The following ESRRG variants were observed in gnomAD, a reference collection of about 807,000 sequenced individuals.
The protein encoded by ESRRG is estrogen related receptor gamma.
In ESRRG, 13 loss-of-function variants were observed where a neutral mutation model predicts 44.0. The ratio of observed to expected loss-of-function variants is 0.30; its 90% confidence interval spans 0.19 to 0.47. The LOEUF (loss-of-function observed/expected upper bound fraction) is 0.47. Ranked by LOEUF, ESRRG falls within the 20% of genes least tolerant of loss-of-function variation. ESRRG has a pLI of 1.00. For missense variants in ESRRG, 395 were observed against 580.6 expected, an observed-to-expected ratio of 0.68 and a Z score of 3.29; for synonymous variants, 215 against 214.6, an observed-to-expected ratio of 1.00 and a Z score of -0.02.
At chr1:216,658,710 G>C (rs897121019) in intron 2 of ESRRG, among the ~76,000 whole-genome samples, 1 of 151,190 alleles carries the variant, frequency 6.6e-6, no homozygotes, top group Admixed American at 6.6e-5. Context: ...GTGTGCGCCT[G>C]TAATCCCAGC....
At chr1:216,627,905 C>G (rs953298601) in intron 3 of ESRRG, among the ~76,000 whole-genome samples, 12 of 151,994 alleles carry the variant, frequency 7.9e-5, no homozygotes, top group African/African-American at 2.9e-4. Context: ...TTACAGTATG[C>G]AAGGTATACT....
intron 2 of ESRRG, among the ~76,000 whole-genome samples, chr1:216,836,214 A>C (rs2095562754): frequency 6.6e-6 from 1 of 152,100 alleles, no homozygotes; most frequent in Non-Finnish European, 1.5e-5. Context: ...GAATGTAAAG[A>C]CTCAATTCTG....
At position 216,929,795 on chromosome 1, in the gene ESRRG, AC is replaced by A. The variant is rs369178893; in HGVS notation, c.-14+9786del. 4.4e-3 allele frequency among the ~76,000 whole-genome samples: 665 copies of A among 151,866 alleles called. 4 individuals are homozygous for A. The highest frequency in any genetic ancestry group is 0.015 in the African/African-American group (639 of 41,388). ...ATGCCAAATGAGAATATTGGACCAG[AC>A]CCCCCAGGTCTCTTCCTCCTTTATG... On this transcript the variant is annotated intron_variant, in intron 2 of 7. Coordinates refer to the ESRRG transcript ENST00000359162.
At chr1:217,036,826 A>C (rs751532016) in intron 1 of ESRRG, among the ~76,000 whole-genome samples, 1 of 86,682 alleles carries the variant, frequency 1.2e-5, no homozygotes, top group Non-Finnish European at 3.1e-5. Flanking sequence ...GTAAAAAAAA[A>C]GAAAAGAAAG....
chr1:217,100,248 A>G (rs1343785208), intron 1 of ESRRG, among the ~76,000 whole-genome samples: 2 of 152,226 alleles, frequency 1.3e-5, no homozygotes, highest in Non-Finnish European at 2.9e-5. Flanking sequence ...TGACAAAAAT[A>G]CATTTCATTC....
At chr1:216,514,820 G>A (rs997582838) in intron 6 of ESRRG, among the ~76,000 whole-genome samples, 1 of 152,040 alleles carries the variant, frequency 6.6e-6, no homozygotes, top group African/African-American at 2.4e-5. Flanking sequence ...CCTAGAAGAA[G>A]CTTAAAAAAG....
At chr1:217,078,946 C>T (rs1397446738) in intron 1 of ESRRG, among the ~76,000 whole-genome samples, 4 of 152,142 alleles carry the variant, frequency 2.6e-5, no homozygotes, top group Non-Finnish European at 5.9e-5. Context: ...TGCAAAACTT[C>T]ACTCCAACAG....
intron 2 of ESRRG, among the ~76,000 whole-genome samples, chr1:216,846,354 G>A (rs1462288504): frequency 6.6e-6 from 1 of 152,026 alleles, no homozygotes. Context: ...TATAAACAAG[G>A]AAACAATAAA....
chr1:216,584,405 C>T (rs926278898), intron 3 of ESRRG, among the ~76,000 whole-genome samples: 14 of 151,924 alleles, frequency 9.2e-5, no homozygotes, highest in Admixed American at 3.3e-4. Context: ...TACAGGCGCC[C>T]GCCACCTCAC....
At chr1:216,685,770 A>T (rs1489523715) in intron 1 of ESRRG, among the ~76,000 whole-genome samples, 1 of 152,214 alleles carries the variant, frequency 6.6e-6, no homozygotes, top group Non-Finnish European at 1.5e-5. Flanking sequence ...TGATATAAGG[A>T]TATGGAGATC....
intron 2 of ESRRG, among the ~76,000 whole-genome samples, chr1:216,656,815 C>G (rs1221636295): frequency 6.6e-6 from 1 of 152,120 alleles, no homozygotes; most frequent in African/African-American, 2.4e-5. Context: ...TTGAAAGCAT[C>G]TGTATATTTC....
intron 1 of ESRRG, among the ~76,000 whole-genome samples, chr1:216,996,554 G>C (rs1218711095): frequency 6.6e-6 from 1 of 152,024 alleles, no homozygotes; most frequent in African/African-American, 2.4e-5. Context: ...AATAAGTTAA[G>C]GTGAGAAATA....
At chr1:217,128,839 G>T (rs1233061569) in intron 1 of ESRRG, among the ~76,000 whole-genome samples, 1 of 152,084 alleles carries the variant, frequency 6.6e-6, no homozygotes, top group Admixed American at 6.6e-5. Flanking sequence ...TGTTTAATCT[G>T]AGTCTTTTCA....
At chr1:216,545,184 A>G (rs2054113645) in intron 5 of ESRRG, among the ~76,000 whole-genome samples, 1 of 151,574 alleles carries the variant, frequency 6.6e-6, no homozygotes, top group Non-Finnish European at 1.5e-5. Context: ...AGTAGGTAGG[A>G]CTACAGGCAT....
rs1459312834 is a variant in ESRRG at position 216,901,827 on chromosome 1, A to G, written c.-14+37755T>C. ...CAGGCTGGAGTACAGTGGCATGATC[A>G]TAGCTCATTGTAGTCTCCTGGCTCA... On this transcript the variant is annotated intron_variant, in intron 2 of 7. Transcript: ENST00000359162. Among the ~76,000 whole-genome samples, 3 of 152,126 alleles carry G rather than the reference A, an allele frequency of 2.0e-5. No individual in the cohort carries two copies. The East Asian group carries it at 5.8e-4, about 29-fold the overall frequency.
intron 2 of ESRRG, among the ~76,000 whole-genome samples, chr1:216,659,433 A>G (rs1286698605): frequency 6.6e-6 from 1 of 152,226 alleles, no homozygotes; most frequent in East Asian, 1.9e-4. Context: ...ACCACATCTC[A>G]TGAACACTTC....
chr1:217,012,081 G>C (rs553721014), intron 1 of ESRRG, among the ~76,000 whole-genome samples: 1 of 152,068 alleles, frequency 6.6e-6, no homozygotes, highest in Non-Finnish European at 1.5e-5. Flanking sequence ...TAAATGTAAA[G>C]TAATAAGTAA....
At chr1:217,066,343 C>A (rs929588659) in intron 1 of ESRRG, among the ~76,000 whole-genome samples, 7 of 143,252 alleles carry the variant, frequency 4.9e-5, no homozygotes, top group African/African-American at 1.7e-4. Context: ...CAAGCTCCGC[C>A]TCCCGGGTTC....
At chr1:216,713,851 C>A (rs1192959192) in intron 1 of ESRRG, among the ~76,000 whole-genome samples, 6 of 152,116 alleles carry the variant, frequency 3.9e-5, no homozygotes, top group African/African-American at 1.2e-4. Context: ...TAAGCTGGTG[C>A]CAGTAGAAGT....
Sources: gnomAD v4.1 joint callset for allele counts (sites outside exome capture counted in the v4.1 genomes callset) on GRCh38, gnomAD v4.1.1 for gene constraint, MANE v1.5 for transcripts, NCBI Gene and HGNC (gene_info 2026-07-23, HGNC 2026-07-21) for gene names.